SLX4IP: variants seen among roughly 807,000 people sequenced by gnomAD.
The protein encoded by SLX4IP is SLX4 interacting protein, also known as protein SLX4IP.
A neutral mutation model predicts 32.9 loss-of-function variants in SLX4IP; 34 were observed. That is an observed-to-expected ratio of 1.03 (90% CI 0.79 to 1.38). SLX4IP has a LOEUF of 1.38. Ranked by LOEUF, SLX4IP falls within the 40% of genes most tolerant of loss-of-function variation. SLX4IP has a pLI of 0.00. For synonymous variants in SLX4IP, 172 were observed against 171.7 expected (o/e 1.00, Z -0.01); for missense variants, 444 against 479.0 (o/e 0.93, Z 0.68).
chr20:10,614,650 A>T (rs1220142437), intron 6 of SLX4IP, among the ~76,000 whole-genome samples: 1 of 152,134 alleles, frequency 6.6e-6, no homozygotes, highest in Non-Finnish European at 1.5e-5. Context: ...TGTTTGTCAG[A>T]TGGGTAGGGG....
At chr20:10,583,617 T>G (rs2066610861) in intron 4 of SLX4IP, among the ~76,000 whole-genome samples, 1 of 152,204 alleles carries the variant, frequency 6.6e-6, no homozygotes, top group African/African-American at 2.4e-5. Context: ...ACAGGCCTGA[T>G]GAGGCTGGGG....
At position 10,623,030 on chromosome 20, in the gene SLX4IP, A is replaced by G. The variant is rs1187477286; in HGVS notation, c.878A>G (p.Gln293Arg). ...CAAAGTCCACGAGTGGCCAAAACCC[A>G]ACAGAAACGCAGGAACTGCAGCTCT... is the stretch of plus-strand genomic sequence containing the variant. ...PKQSPRVAKT[Q>R]QKRRNCSSAE... Residue 293 changes from glutamine (Q) to arginine (R), a missense_variant, in exon 8 of 8, where the codon CAA becomes CGA. Physicochemically the swap from Gln to Arg is conservative, Grantham distance 43. Transcript: ENST00000334534. 5 of 1,614,116 alleles carry G rather than the reference A, an allele frequency of 3.1e-6. No individual in the cohort carries two copies. In the South Asian group the frequency reaches 3.3e-5, roughly 11 times the overall value.
chr20:10,456,765 A>G (rs949972262), intron 1 of SLX4IP, among the ~76,000 whole-genome samples: 7 of 152,244 alleles, frequency 4.6e-5, no homozygotes, highest in Non-Finnish European at 7.3e-5. Context: ...GTTAATTTCT[A>G]TAAAGAAGTC....
rs2067184059 is a variant in SLX4IP at position 10,627,297 on chromosome 20, T to C, written c.*3918T>C. The C allele has an allele frequency of 6.6e-6, 1 of 152,238 alleles. No homozygotes were observed. The allele number at this position is 152,238 out of a possible 1,614,324, so 9.4% of individuals were successfully genotyped here. On this transcript the variant is annotated 3_prime_UTR_variant, in exon 8 of 8. Coordinates refer to ENST00000334534, the MANE Select transcript of SLX4IP (RefSeq NM_001009608.3). ...CAAGACAAGAGAATTCATTCCTTATTATTGAAACATTAATGAACTGAAACA... is the reference window on the plus strand; with the variant it reads ...CAAGACAAGAGAATTCATTCCTTATCATTGAAACATTAATGAACTGAAACA...
At chr20:10,541,066 G>A (rs1352465552) in intron 2 of SLX4IP, among the ~76,000 whole-genome samples, 1 of 152,228 alleles carries the variant, frequency 6.6e-6, no homozygotes. Context: ...TGCATTGAAT[G>A]AATTTTGAAT....
chr20:10,524,574 C>A (rs2079829245), intron 2 of SLX4IP, among the ~76,000 whole-genome samples: 1 of 152,158 alleles, frequency 6.6e-6, no homozygotes, highest in Non-Finnish European at 1.5e-5. Context: ...GTAAAAATGT[C>A]TTTGATGTTT....
At chr20:10,479,185 G>C (rs1340541332) in intron 2 of SLX4IP, among the ~76,000 whole-genome samples, 6 of 152,154 alleles carry the variant, frequency 3.9e-5, no homozygotes, top group Non-Finnish European at 8.8e-5. Context: ...CAGCCTTCTG[G>C]GAAAGGTGAG....
intron 2 of SLX4IP, among the ~76,000 whole-genome samples, chr20:10,486,628 C>G (rs2065576767): frequency 6.6e-6 from 1 of 152,032 alleles, no homozygotes; most frequent in Non-Finnish European, 1.5e-5. Context: ...GAAATATAGA[C>G]AGGAAAGGCC....
chr20:10,553,511 C>T (rs1013005589), intron 2 of SLX4IP, among the ~76,000 whole-genome samples: 1 of 152,174 alleles, frequency 6.6e-6, no homozygotes, highest in African/African-American at 2.4e-5. Context: ...GTTAATATTC[C>T]GTGGCTAAGA....
chr20:10,608,042 T>C (rs1568769253), intron 6 of SLX4IP, among the ~76,000 whole-genome samples: 3 of 152,224 alleles, frequency 2.0e-5, no homozygotes, highest in Non-Finnish European at 2.9e-5. Flanking sequence ...TGGAATAGGA[T>C]GTATCTCCAT....
At chr20:10,566,954 G>C (rs2066401838) in intron 4 of SLX4IP, among the ~76,000 whole-genome samples, 1 of 152,160 alleles carries the variant, frequency 6.6e-6, no homozygotes, top group Middle Eastern at 3.2e-3. Context: ...TGTGATGAAA[G>C]AGGTCAAATG....
intron 4 of SLX4IP, among the ~76,000 whole-genome samples, chr20:10,580,585 C>T (rs566735711): frequency 1.5e-4 from 23 of 150,132 alleles, no homozygotes; most frequent in Middle Eastern, 3.5e-3. Context: ...ACCTTTAACT[C>T]CTCTGTCTCT....
At chr20:10,574,684 A>G (rs1381470786) in intron 4 of SLX4IP, among the ~76,000 whole-genome samples, 3 of 152,042 alleles carry the variant, frequency 2.0e-5, no homozygotes, top group African/African-American at 4.8e-5. Flanking sequence ...ACTTTCCAAG[A>G]CTTTTTTTCT....
At position 10,623,450 on chromosome 20, in the gene SLX4IP, T is replaced by C. The variant is rs2067140932; in HGVS notation, c.*71T>C. On this transcript the variant is annotated 3_prime_UTR_variant, in exon 8 of 8. Coordinates refer to ENST00000334534, the MANE Select transcript of SLX4IP (RefSeq NM_001009608.3). ...ACCTGTGACAAGAGAGCTGCGAATATAGATGCCGGGATTTTAAAGGAATTA... is the reference window on the plus strand; with the variant it reads ...ACCTGTGACAAGAGAGCTGCGAATACAGATGCCGGGATTTTAAAGGAATTA... The C allele has an allele frequency of 1.3e-6, 2 of 1,517,990 alleles. No individual in the cohort carries two copies. The highest frequency in any genetic ancestry group is 2.3e-5 in the East Asian group (1 of 43,980). 94.0% of individuals were successfully genotyped at this position (1,517,990 alleles called of 1,614,324 possible). A position where few individuals can be genotyped will look rare whatever the true frequency, so the allele number is the denominator to read the frequency against.
At chr20:10,475,579 G>T (rs367774406) in intron 2 of SLX4IP, among the ~76,000 whole-genome samples, 1 of 152,170 alleles carries the variant, frequency 6.6e-6, no homozygotes. Context: ...TGGGATTCTG[G>T]TCTTTGCATC....
At chr20:10,472,264 T>G (rs1458701527) in intron 2 of SLX4IP, among the ~76,000 whole-genome samples, 1 of 150,628 alleles carries the variant, frequency 6.6e-6, no homozygotes, top group Admixed American at 6.6e-5. Flanking sequence ...GGAGTCTGGC[T>G]CTGTCGCCCA....
At chr20:10,508,463 T>C (rs2065777816) in intron 2 of SLX4IP, among the ~76,000 whole-genome samples, 1 of 152,258 alleles carries the variant, frequency 6.6e-6, no homozygotes, top group African/African-American at 2.4e-5. Context: ...ACGCTTTTGA[T>C]AGAAATGATC....
chr20:10,509,000 A>G (rs904657261), intron 2 of SLX4IP, among the ~76,000 whole-genome samples: 2 of 152,146 alleles, frequency 1.3e-5, no homozygotes, highest in Admixed American at 6.5e-5. Context: ...CAAGAGAATC[A>G]TGCTGAGGTC....
At chr20:10,521,336 G>A (rs1459183374) in intron 2 of SLX4IP, among the ~76,000 whole-genome samples, 5 of 151,970 alleles carry the variant, frequency 3.3e-5, no homozygotes, top group Admixed American at 1.3e-4. Flanking sequence ...ATTCATTCTA[G>A]GCTGGTCGCT....
Sources: allele counts gnomAD v4.1 joint callset (sites outside exome capture counted in the v4.1 genomes callset), GRCh38; gene constraint gnomAD v4.1.1; transcripts MANE v1.5; gene names NCBI Gene and HGNC (gene_info 2026-07-23, HGNC 2026-07-21).